The following MMP3 variants were observed in gnomAD, a reference collection of about 807,000 sequenced individuals.
MMP3 encodes the protein matrix metallopeptidase 3, also known as stromelysin-1.
In MMP3, 46 loss-of-function variants were observed where a neutral mutation model predicts 47.3. That is an observed-to-expected ratio of 0.97 (90% CI 0.77 to 1.24). MMP3 has a LOEUF of 1.24. MMP3 is among the 50% of genes most tolerant of loss of function. The probability of loss-of-function intolerance (pLI) is 0.00; values close to 1 mark genes in which losing one functional copy is unlikely to be tolerated. For synonymous variants in MMP3, 216 were observed against 206.5 expected (o/e 1.05, Z -0.39); for missense variants, 558 against 565.5 (o/e 0.99, Z 0.13).
intron 6 of MMP3, among the ~76,000 whole-genome samples, chr11:102,839,646 CA>C (rs1177181040): frequency 6.6e-6 from 1 of 152,088 alleles, no homozygotes; most frequent in African/African-American, 2.4e-5. Context: ...GAAGGATGCA[CA>C]AAAAGTCTTG....
At position 102,839,249 on chromosome 11, in the gene MMP3, A is replaced by G; in HGVS notation, c.936-6T>C. ...GGGATTTGCGCCAAAAGTGCCTAAA[A>G]TATATGTAAAAAGAAATGTAAATTG... On this transcript the variant is annotated splice_polypyrimidine_tract_variant and splice_region_variant and intron_variant, in intron 6 of 9. Transcript: ENST00000299855. The G allele has an allele frequency of 6.2e-7, 1 of 1,613,318 alleles. No individual in the cohort carries two copies. The highest frequency in any genetic ancestry group is 2.2e-5 in the East Asian group (1 of 44,882).
rs782557307 is a variant in MMP3, at chr11:102,837,266, C to A, written c.1333+32G>T. 5 of 1,511,400 alleles carry A rather than the reference C, an allele frequency of 3.3e-6. No homozygotes were observed. 93.6% of individuals were successfully genotyped at this position (1,511,400 alleles called of 1,614,324 possible). A position where few individuals can be genotyped will look rare whatever the true frequency, so the allele number is the denominator to read the frequency against. On this transcript the variant is annotated intron_variant, in intron 9 of 9. Transcript: ENST00000299855. The surrounding 1 kb of genome is among the most constrained non-coding windows in gnomAD (Gnocchi z 4.4). ...CTGATATCATAAAATGTTTCAAGTGCTCTATGGCCAACACAGTAAGTATCC... is the reference window on the plus strand; with the variant it reads ...CTGATATCATAAAATGTTTCAAGTGATCTATGGCCAACACAGTAAGTATCC...
intron 3 of MMP3, 28 bp downstream of exon 3, chr11:102,842,403 G>GATTTTTTTTTTTTTTTTTTTTTTTTTTT: frequency 1.1e-6 from 1 of 918,292 alleles, no homozygotes; most frequent in Non-Finnish European, 1.3e-6. Flanking sequence ...GTTTTGTTTT[G>GATTTTTTTTTTTTTTTTTTTTTTTTTTT]CTTTTTTTTT....
Position 102,840,528 on chromosome 11 carries a change from T to C in MMP3, c.691A>G (p.Asn231Asp). ...AGTGGGTACATCAAAGCTTCAGTGT[T>C]GGCTGAGTGAAAGAGACCCAGGGAG... ...GHSLGLFHSA[N>D]TEALMYPLYH... is the part of the protein sequence containing the mutation. Residue 231 changes from asparagine to aspartate, a missense_variant, in exon 5 of 10, where the codon AAC becomes GAC. Transcript: ENST00000299855. 6.2e-7 allele frequency: 1 copy of C among 1,614,088 alleles called. No homozygotes were observed. The highest frequency in any genetic ancestry group is 1.1e-5 in the South Asian group (1 of 91,076).
chr11:102,842,405 T>TTTTTTTTTTTTTTTTTTTTTTTTC (rs1565226068), intron 3 of MMP3, 26 bp downstream of exon 3: 7 of 180,180 alleles, frequency 3.9e-5, no homozygotes, highest in Non-Finnish European at 4.4e-5. Flanking sequence ...TTTGTTTTGC[T>TTTTTTTTTTTTTTTTTTTTTTTTC]TTTTTTTTTT....
chr11:102,838,859 A>G, intron 7 of MMP3, 149 bp from the exon 8 acceptor site: 2 of 1,043,180 alleles, frequency 1.9e-6, no homozygotes, highest in South Asian at 3.5e-5. Context: ...GGCTTTTCAC[A>G]AAAATTTGCA....
chr11:102,839,386 A>C (rs1412484586), intron 6 of MMP3, 143 bp from the exon 7 acceptor site: 1 of 941,506 alleles, frequency 1.1e-6, no homozygotes, highest in Admixed American at 2.8e-5. Context: ...GTATATTGCC[A>C]TTAGAAAATT....
intron 6 of MMP3, among the ~76,000 whole-genome samples, 173 bp from the exon 7 acceptor site, chr11:102,839,416 A>G (rs1858952690): frequency 6.6e-6 from 1 of 152,214 alleles, no homozygotes; most frequent in Non-Finnish European, 1.5e-5. Flanking sequence ...TTTCTTCAGA[A>G]GACTGTAGTG....
rs781840485 is a variant in MMP3, at chr11:102,842,287, GA to G, written c.500-9del. The G allele has an allele frequency of 2.5e-6, 4 of 1,592,676 alleles. No individual in the cohort carries two copies. In the African/African-American group the frequency reaches 4.1e-5, roughly 16 times the overall value. On this transcript the variant is annotated splice_polypyrimidine_tract_variant and intron_variant, in intron 3 of 9. Coordinates refer to ENST00000299855, the MANE Select transcript of MMP3 (RefSeq NM_002422.5). The stretch of plus-strand genomic sequence containing the variant: ...GGTAAAAGTCTCCATGTTCTAGTAG[GA>G]AAAAAATTTATTGGAAAGATATGTA...
At position 102,838,678 on chromosome 11, in the gene MMP3, C is replaced by T. The variant is rs1858932555; in HGVS notation, c.1102G>A (p.Val368Ile). Residue 368 changes from valine to isoleucine, a missense_variant, in exon 8 of 10, where the codon GTA (valine) becomes ATA (isoleucine). Physicochemically the swap from Val to Ile is conservative, Grantham distance 29. Transcript: ENST00000299855. ...ATGCCTCTTGGGTATCCAGCTCGTA[C>T]CTCATTTCCTCTGATAGCCCAGAAT... ...NQFWAIRGNE[V>I]RAGYPRGIHT... 6.2e-6 allele frequency: 10 copies of T among 1,613,738 alleles called. No homozygotes were observed. The highest frequency in any genetic ancestry group is 6.8e-6 in the Non-Finnish European group (8 of 1,179,860).
chr11:102,840,481 C>T lies in MMP3; in HGVS notation c.738G>A (p.Leu246=). The T allele has an allele frequency of 6.2e-7, 1 of 1,614,040 alleles. No individual in the cohort carries two copies. The highest frequency in any genetic ancestry group is 8.5e-7 in the Non-Finnish European group (1 of 1,179,994). The change falls in exon 5 of 10, where the codon CTG becomes CTA. Residue 246 remains leucine, a synonymous_variant. Transcript: ENST00000299855. ...CATCTTGAGACAGGCGGAACCGAGT[C>T]AGGTCTGTGAGTGAGTGATAGAGTG... ...MYPLYHSLTD[L]TRFRLSQDDI...
chr11:102,843,025 C>A, intron 1 of MMP3, 109 bp from the exon 2 acceptor site: 1 of 1,004,474 alleles, frequency 1.0e-6, no homozygotes, highest in Non-Finnish European at 1.4e-6. Flanking sequence ...TGGAGTATTT[C>A]TCTAGCTTGC....
rs1555005678 is a variant in MMP3 at position 102,842,463 on chromosome 11, T to C, written c.467A>G (p.Glu156Gly). 3 of 1,187,446 alleles carry C rather than the reference T, an allele frequency of 2.5e-6. No individual in the cohort carries two copies. In the Admixed American group the frequency reaches 5.8e-5, roughly 23 times the overall value. 73.6% of individuals were successfully genotyped at this position (1,187,446 alleles called of 1,614,324 possible). The part of the protein sequence containing the change: ...PLTFSRLYEG[E>G]ADIMISFAVR... ...TGCAAAAGAGATCATTATATCAGCC[T>C]CTCCTTCATACAGCCTGGAGAATGT... The change falls in exon 3 of 10, where the codon GAG becomes GGG. Residue 156 changes from glutamate to glycine, a missense_variant. Transcript: ENST00000299855.
intron 7 of MMP3, 94 bp downstream of exon 7, chr11:102,839,016 C>T: frequency 7.3e-7 from 1 of 1,373,974 alleles, no homozygotes; most frequent in Non-Finnish European, 1.0e-6. Context: ...ACTGTATTAG[C>T]CAGAACTTGT....
rs1858885325 is a variant in MMP3, at chr11:102,836,526, T to A, written c.1334-300A>T. ...TGGAGACAGCACTCGGTGCCAGCTCTGTCTGAAAACACAGCCAGATTCCAG... is the reference window on the plus strand; with the variant it reads ...TGGAGACAGCACTCGGTGCCAGCTCAGTCTGAAAACACAGCCAGATTCCAG... On this transcript the variant is annotated intron_variant, in intron 9 of 9. Transcript: ENST00000299855. The surrounding 1 kb of genome is among the most constrained non-coding windows in gnomAD (Gnocchi z 4.6). 1.9e-6 allele frequency: 1 copy of A among 516,580 alleles called. No individual in the cohort carries two copies. Among genetic ancestry groups the A allele is most frequent in the African/African-American group, 1.9e-5 (1 of 52,048 alleles). 32.0% of individuals were successfully genotyped at this position (516,580 alleles called of 1,614,324 possible).
rs1302436110 is a variant in MMP3, at chr11:102,840,188, C to A, written c.855G>T (p.Gly285=). Residue 285 remains glycine (G), a synonymous_variant, in exon 6 of 10, where the codon GGG becomes GGT. Transcript: ENST00000299855. ...VPTEPVPPEP[G]TPANCDPALS... ...AAGCAGGATCACAGTTGGCTGGCGT[C>A]CCAGGTTCTGGAGGGACAGGTTCCG... 1.2e-6 allele frequency: 2 copies of A among 1,614,068 alleles called. No homozygotes were observed. Among genetic ancestry groups the A allele is most frequent in the East Asian group, 2.2e-5 (1 of 44,880 alleles).
chr11:102,837,318 T>C lies in MMP3; in HGVS notation c.1313A>G (p.Asp438Gly). The C allele has an allele frequency of 6.2e-7, 1 of 1,613,276 alleles. No individual in the cohort carries two copies. Among genetic ancestry groups the C allele is most frequent in the Non-Finnish European group, 8.5e-7 (1 of 1,179,796 alleles). The change falls in exon 9 of 10, where the codon GAT becomes GGT. Residue 438 changes from aspartate (D) to glycine (G), a missense_variant. Coordinates refer to ENST00000299855, the MANE Select transcript of MMP3 (RefSeq NM_002422.5). The surrounding 1 kb of genome is among the most constrained non-coding windows in gnomAD (Gnocchi z 4.4). ...EDFPGIDSKI[D>G]AVFEEFGFFY... ...CTTACCAAATTCTTCAAAAACAGCA[T>C]CAATCTTTGAGTCAATCCCTGGAAA...
Position 102,837,112 on chromosome 11 carries a change from T to C in MMP3, c.1333+186A>G, listed in dbSNP as rs1382948955. ...AGCGAGATTTGTGTAATTATCTTTATGGTTCCAAACAAGTTATTTTGTGAA... is the reference window on the plus strand; with the variant it reads ...AGCGAGATTTGTGTAATTATCTTTACGGTTCCAAACAAGTTATTTTGTGAA... On this transcript the variant is annotated intron_variant, in intron 9 of 9. Transcript: ENST00000299855. The surrounding 1 kb of genome is among the most constrained non-coding windows in gnomAD (Gnocchi z 4.4). Among the ~76,000 whole-genome samples, 1 of 152,234 alleles carries C rather than the reference T, an allele frequency of 6.6e-6. No homozygotes were observed. The highest frequency in any genetic ancestry group is 6.5e-5 in the Admixed American group (1 of 15,286).
chr11:102,842,404 CT>C (rs11418340), intron 3 of MMP3, 26 bp downstream of exon 3: 81,887 of 793,912 alleles, frequency 0.1, 13 homozygotes, highest in Non-Finnish European at 0.11. Context: ...TTTTGTTTTG[CT>C]TTTTTTTTTT....
Sources: gnomAD v4.1 joint callset for allele counts (sites outside exome capture counted in the v4.1 genomes callset) on GRCh38, gnomAD v4.1.1 for gene constraint, Gnocchi (gnomAD v3.1) non-coding constraint, MANE v1.5 for transcripts, NCBI Gene and HGNC (gene_info 2026-07-23, HGNC 2026-07-21) for gene names.